RPP30: variants seen among roughly 807,000 people sequenced by gnomAD.
The protein encoded by RPP30 is ribonuclease P protein subunit p30.
In RPP30, 36 loss-of-function variants were observed where a neutral mutation model predicts 38.6. That is an observed-to-expected ratio of 0.93 (90% CI 0.71 to 1.23). The LOEUF is 1.23. RPP30 is among the 50% of genes most tolerant of loss of function. The probability of loss-of-function intolerance (pLI) is 0.00; values close to 1 mark genes in which losing one functional copy is unlikely to be tolerated. For synonymous variants in RPP30, 126 were observed against 112.7 expected (o/e 1.12, Z -0.75); for missense variants, 321 against 321.7 (o/e 1.00, Z 0.02).
intron 5 of RPP30, among the ~76,000 whole-genome samples, chr10:90,881,850 C>T (rs1846931467): frequency 6.6e-6 from 1 of 152,026 alleles, no homozygotes; most frequent in African/African-American, 2.4e-5. Context: ...GTTAGGTCTC[C>T]AAGATGAGTC....
At chr10:90,897,954 G>A (rs1847161562) in intron 10 of RPP30, among the ~76,000 whole-genome samples, 2 of 152,088 alleles carry the variant, frequency 1.3e-5, no homozygotes, top group Non-Finnish European at 2.9e-5. Flanking sequence ...TGCTTTTTTA[G>A]TTATTTTTAA....
rs1438665046 is a variant in RPP30 at position 90,900,725 on chromosome 10, A to G, written c.*46A>G. The G allele has an allele frequency of 6.3e-7, 1 of 1,579,822 alleles. No individual in the cohort carries two copies. The highest frequency in any genetic ancestry group is 8.6e-7 in the Non-Finnish European group (1 of 1,166,482). ...TCAGCACTCCCTTCTTCCCTTTTAT[A>G]GTTCATCAGCCACAACAAAAATAAA... On this transcript the variant is annotated 3_prime_UTR_variant, in exon 11 of 11. Transcript: ENST00000371703.
chr10:90,891,285 C>G (rs908203763), intron 6 of RPP30, among the ~76,000 whole-genome samples: 7 of 152,146 alleles, frequency 4.6e-5, no homozygotes, highest in Non-Finnish European at 7.4e-5. Context: ...AGCTACGTAA[C>G]TCCAGTCTCT....
chr10:90,879,749 C>T (rs886131828), intron 5 of RPP30, among the ~76,000 whole-genome samples: 1 of 152,138 alleles, frequency 6.6e-6, no homozygotes, highest in African/African-American at 2.4e-5. Flanking sequence ...AGGAGCTTAA[C>T]GTGTATGCTT....
chr10:90,885,826 T>C lies in RPP30; in HGVS notation c.357T>C (p.His119=). 6.2e-7 allele frequency: 1 copy of C among 1,609,612 alleles called. No individual in the cohort carries two copies. The highest frequency in any genetic ancestry group is 8.5e-7 in the Non-Finnish European group (1 of 1,178,198). Residue 119 remains histidine, a synonymous_variant, in exon 6 of 11, where the codon CAT becomes CAC. Coordinates refer to ENST00000371703, the MANE Select transcript of RPP30 (RefSeq NM_006413.5). ...CTTCTTTACAGATTGCTTGCACACA[T>C]TTAGATGTGGATTTAGTCTGCATAA... ...TEKLFHIACT[H]LDVDLVCITV... is the part of the protein sequence containing the mutation.
At chr10:90,898,515 T>C (rs962594904) in intron 10 of RPP30, among the ~76,000 whole-genome samples, 1 of 152,182 alleles carries the variant, frequency 6.6e-6, no homozygotes, top group Non-Finnish European at 1.5e-5. Flanking sequence ...TATACTCTCA[T>C]TGATGAAATC....
intron 6 of RPP30, among the ~76,000 whole-genome samples, chr10:90,893,964 T>C (rs1357869253): frequency 6.6e-6 from 1 of 152,248 alleles, no homozygotes; most frequent in East Asian, 1.9e-4. Context: ...TCCACTCATC[T>C]ACTTACCTGT....
chr10:90,876,329 T>TA (rs1408033184), intron 4 of RPP30, among the ~76,000 whole-genome samples: 1 of 152,220 alleles, frequency 6.6e-6, no homozygotes, highest in East Asian at 1.9e-4. Flanking sequence ...TGGCAACTGT[T>TA]ACTCATTGAA....
intron 4 of RPP30, among the ~76,000 whole-genome samples, chr10:90,876,456 A>C (rs1846853466): frequency 6.6e-6 from 1 of 152,230 alleles, no homozygotes; most frequent in Non-Finnish European, 1.5e-5. Context: ...AACAAATAAT[A>C]ATTACAAATG....
intron 3 of RPP30, 114 bp downstream of exon 3, chr10:90,875,728 C>T (rs1340915231): frequency 1.5e-5 from 13 of 882,124 alleles, no homozygotes; most frequent in African/African-American, 3.3e-5. Flanking sequence ...CCAGTCTTAA[C>T]GTTTTCCTCA....
At chr10:90,896,191 G>C in intron 9 of RPP30, 122 bp from the exon 10 acceptor site, 1 of 822,934 alleles carries the variant, frequency 1.2e-6, no homozygotes, top group South Asian at 1.6e-5. Flanking sequence ...GTTGGACTAA[G>C]AACTGCTGTT....
chr10:90,900,872 C>T lies in RPP30; in HGVS notation c.*193C>T, dbSNP rs572115285. The T allele has an allele frequency of 1.5e-5, 19 of 1,290,242 alleles. No homozygotes were observed. The East Asian group carries it at 4.8e-4, about 32-fold the overall frequency. 79.9% of individuals were successfully genotyped at this position (1,290,242 alleles called of 1,614,324 possible). A position where few individuals can be genotyped will look rare whatever the true frequency, so the allele number is the denominator to read the frequency against. On this transcript the variant is annotated 3_prime_UTR_variant, in exon 11 of 11. Coordinates refer to ENST00000371703, the MANE Select transcript of RPP30 (RefSeq NM_006413.5). ...AGTGAAGCATCTTTTTAAAAGGCTGCCAGCTTAATGAATTTAGATGTACTT... is the reference window on the plus strand; with the variant it reads ...AGTGAAGCATCTTTTTAAAAGGCTGTCAGCTTAATGAATTTAGATGTACTT...
At position 90,876,114 on chromosome 10, in the gene RPP30, T is replaced by C. The variant is rs768289423; in HGVS notation, c.270+16T>C. 10 of 1,477,172 alleles carry C rather than the reference T, an allele frequency of 6.8e-6. No individual in the cohort carries two copies. The East Asian group carries it at 2.3e-4, about 33-fold the overall frequency. 91.5% of individuals were successfully genotyped at this position (1,477,172 alleles called of 1,614,324 possible). On this transcript the variant is annotated intron_variant, in intron 4 of 10. Transcript: ENST00000371703. Reference sequence around the variant, plus strand: ...CAATGTTTTGGTAAGTTAATTATTTTTCTTCTCTCCTTTTGGCTTTGTGAG... The same window carrying C: ...CAATGTTTTGGTAAGTTAATTATTTCTCTTCTCTCCTTTTGGCTTTGTGAG...
At position 90,901,254 on chromosome 10, in the gene RPP30, T is replaced by C. The variant is rs1174302602; in HGVS notation, c.*575T>C. 2.0e-6 allele frequency: 2 copies of C among 977,850 alleles called. No homozygotes were observed. The highest frequency in any genetic ancestry group is 1.2e-4 in the Admixed American group (2 of 16,184). 60.6% of individuals were successfully genotyped at this position (977,850 alleles called of 1,614,324 possible). A position where few individuals can be genotyped will look rare whatever the true frequency, so the allele number is the denominator to read the frequency against. On this transcript the variant is annotated 3_prime_UTR_variant, in exon 11 of 11. Coordinates refer to ENST00000371703, the MANE Select transcript of RPP30 (RefSeq NM_006413.5). ...CTCCCGCTTTGGCCTCCTAAAGTGC[T>C]GGGATTACATGAGCCACCACATGCA...
downstream of RPP30, among the ~76,000 whole-genome samples, chr10:90,904,790 C>T (rs1452631839): frequency 3.3e-5 from 5 of 151,988 alleles, no homozygotes; most frequent in African/African-American, 9.7e-5. Flanking sequence ...CCAGTCTGGG[C>T]GACAGAATGA....
rs1439055634 is a variant in RPP30, at chr10:90,874,854, A to T, written c.83-15A>T. Reference sequence around the variant, plus strand: ...TTGTTATATTTAACAAAAGTGTTCAATTTTTCTTTTTCAGTTGGCTATTCA... The same window carrying T: ...TTGTTATATTTAACAAAAGTGTTCATTTTTTCTTTTTCAGTTGGCTATTCA... On this transcript the variant is annotated splice_polypyrimidine_tract_variant and intron_variant, in intron 1 of 10. Coordinates refer to ENST00000371703, the MANE Select transcript of RPP30 (RefSeq NM_006413.5). The T allele has an allele frequency of 4.4e-6, 7 of 1,586,040 alleles. 1 individual carries two copies. The East Asian group carries it at 1.6e-4, about 36-fold the overall frequency.
At chr10:90,894,730 C>A in intron 6 of RPP30, 45 bp from the exon 7 acceptor site, 1 of 1,307,558 alleles carries the variant, frequency 7.6e-7, no homozygotes, top group Non-Finnish European at 1.1e-6. Context: ...ATGAAGTAGG[C>A]CAGTGCATGC....
chr10:90,903,015 G>T (rs982388017), downstream of RPP30, among the ~76,000 whole-genome samples: 4 of 152,138 alleles, frequency 2.6e-5, no homozygotes, highest in African/African-American at 4.8e-5. Flanking sequence ...GCTATTGGGG[G>T]CAAATGAAAA....
chr10:90,886,216 C>T (rs1324704276), intron 6 of RPP30, among the ~76,000 whole-genome samples: 1 of 151,912 alleles, frequency 6.6e-6, no homozygotes, highest in Admixed American at 6.6e-5. Context: ...GGGAACAGAG[C>T]AGTCAAAAAA....
Sources: gnomAD v4.1 joint callset for allele counts (sites outside exome capture counted in the v4.1 genomes callset) on GRCh38, gnomAD v4.1.1 for gene constraint, MANE v1.5 for transcripts, NCBI Gene and HGNC (gene_info 2026-07-23, HGNC 2026-07-21) for gene names.